The following ARHGEF18 variants were observed in gnomAD, a reference collection of about 807,000 sequenced individuals.
ARHGEF18 encodes rho guanine nucleotide exchange factor 18.
In ARHGEF18, 93 loss-of-function variants were observed where a neutral mutation model predicts 155.7. The ratio of observed to expected loss-of-function variants is 0.60; its 90% CI spans 0.50 to 0.71. ARHGEF18 has a LOEUF of 0.71. Among genes scored for constraint, ARHGEF18 ranks in the 30% least tolerant of loss-of-function variants. The pLI is 0.00. For synonymous variants in ARHGEF18, 742 were observed against 753.1 expected (o/e 0.99, Z 0.24); for missense variants, 1,593 against 1,816.1 (o/e 0.88, Z 2.23).
intron 10 of ARHGEF18, among the ~76,000 whole-genome samples, chr19:7,413,654 T>A (rs193216044): frequency 9.9e-5 from 15 of 152,236 alleles, no homozygotes; most frequent in East Asian, 9.7e-4. Context: ...TCCAGCTACT[T>A]GGGAGATAGG....
chr19:7,397,530 G>GA (rs1273484111), intron 10 of ARHGEF18, among the ~76,000 whole-genome samples: 1 of 151,746 alleles, frequency 6.6e-6, no homozygotes, highest in Non-Finnish European at 1.5e-5. Flanking sequence ...TCAGGAGATT[G>GA]AGACCATCCT....
intron 15 of ARHGEF18, among the ~76,000 whole-genome samples, chr19:7,450,349 A>G: frequency 6.6e-6 from 1 of 151,808 alleles, no homozygotes; most frequent in Non-Finnish European, 1.5e-5. Flanking sequence ...CCAAGATGTT[A>G]ATGCGGGATC....
At position 7,361,207 on chromosome 19, in the gene ARHGEF18, G is replaced by A. The variant is rs560643250; in HGVS notation, c.-110-1574G>A. Among the ~76,000 whole-genome samples the A allele has an allele frequency of 5.3e-5, 8 of 152,228 alleles. No individual in the cohort carries two copies. The South Asian group carries it at 6.2e-4, about 12-fold the overall frequency. ...TCCCAGCACTTTGGGAGGCCAAGGC[G>A]GGGGGATTGCCTGAGCTCAGGAGTT... is the stretch of plus-strand genomic sequence containing the variant. On this transcript the variant is annotated intron_variant, in intron 1 of 28. Coordinates refer to ENST00000668164, the MANE Select transcript of ARHGEF18 (RefSeq NM_001367823.1).
intron 10 of ARHGEF18, among the ~76,000 whole-genome samples, chr19:7,429,152 G>A (rs931194244): frequency 5.3e-5 from 7 of 131,704 alleles, no homozygotes; most frequent in Non-Finnish European, 1.2e-4. Context: ...GCATGTCAGC[G>A]TAGTTGGGGT....
chr19:7,353,941 A>G (rs1969218612), intron 1 of ARHGEF18, among the ~76,000 whole-genome samples: 1 of 144,382 alleles, frequency 6.9e-6, no homozygotes, highest in South Asian at 2.2e-4. Context: ...TCTGGGTGAC[A>G]GAGCAAGACT....
chr19:7,458,648 A>T lies in ARHGEF18; in HGVS notation c.2318A>T (p.Asp773Val), dbSNP rs779888066. The change falls in exon 19 of 29, where the codon GAC becomes GTC. Residue 773 changes from aspartate to valine, a missense_variant. Asp to Val is a radical substitution (Grantham distance 152). Transcript: ENST00000668164. ...MYEIYTSSKE[D>V]RNAWMAHIQR... ...GAAATCTACACGAGCTCCAAAGAGG[A>T]CAGGAACGCCTGGATGGCCCACATC... 1.2e-5 allele frequency: 20 copies of T among 1,613,994 alleles called. No homozygotes were observed. The highest frequency in any genetic ancestry group is 1.7e-5 in the Non-Finnish European group (20 of 1,179,990).
chr19:7,373,188 A>G, intron 3 of ARHGEF18, 117 bp downstream of exon 3: 1 of 1,191,352 alleles, frequency 8.4e-7, no homozygotes, highest in Non-Finnish European at 1.1e-6. Flanking sequence ...GTGGTCCCCA[A>G]CCTTTTTGGT....
rs749332193 is a variant in ARHGEF18, at chr19:7,469,138, C to T, written c.3787+7C>T. 6.8e-5 allele frequency: 107 copies of T among 1,581,902 alleles called. No homozygotes were observed. Among genetic ancestry groups the T allele is most frequent in the Non-Finnish European group, 8.5e-5 (99 of 1,164,008 alleles). On this transcript the variant is annotated splice_region_variant and intron_variant, in intron 27 of 28. Transcript: ENST00000668164. ...CAGCGCTGGGAGAGCTCAGGTGAGC[C>T]GGCCCCACCCCTTCGCCTGGGCCTG... is the stretch of plus-strand genomic sequence containing the variant.
chr19:7,454,116 T>C (rs1178413278), intron 17 of ARHGEF18, among the ~76,000 whole-genome samples: 2 of 150,430 alleles, frequency 1.3e-5, no homozygotes, highest in African/African-American at 2.5e-5. Flanking sequence ...CATCTTGGAG[T>C]GGTGGCACCA....
At chr19:7,405,432 C>T (rs1397211587) in intron 10 of ARHGEF18, among the ~76,000 whole-genome samples, 1 of 152,148 alleles carries the variant, frequency 6.6e-6, no homozygotes, top group East Asian at 1.9e-4. Flanking sequence ...GGCTCTAGGG[C>T]CCACCCTAAA....
chr19:7,415,578 C>T (rs1370286925), intron 10 of ARHGEF18, among the ~76,000 whole-genome samples: 2 of 152,080 alleles, frequency 1.3e-5, no homozygotes, highest in Non-Finnish European at 2.9e-5. Context: ...ATGGCAGAAC[C>T]TCCTGGAATA....
chr19:7,396,057 C>T (rs1380389367), intron 10 of ARHGEF18, among the ~76,000 whole-genome samples: 2 of 152,054 alleles, frequency 1.3e-5, no homozygotes, highest in Admixed American at 6.6e-5. Flanking sequence ...CATGAGTACC[C>T]AAGGTTTAGC....
chr19:7,371,248 G>A (rs566786620), intron 2 of ARHGEF18, among the ~76,000 whole-genome samples: 1 of 152,274 alleles, frequency 6.6e-6, no homozygotes, highest in East Asian at 1.9e-4. Flanking sequence ...GCCAGGGGCT[G>A]GGAGGGGAAT....
At chr19:7,443,089 G>A (rs897276063) in intron 13 of ARHGEF18, among the ~76,000 whole-genome samples, 2 of 125,748 alleles carry the variant, frequency 1.6e-5, no homozygotes, top group Admixed American at 9.4e-5. Flanking sequence ...TTGAGATGGA[G>A]TCTCGCTCTG....
intron 3 of ARHGEF18, among the ~76,000 whole-genome samples, chr19:7,375,432 G>GAAGAA (rs1312393947): frequency 6.6e-6 from 1 of 151,406 alleles, no homozygotes; most frequent in Non-Finnish European, 1.5e-5. Context: ...AGAAAGGAAG[G>GAAGAA]AAGAAAAGAA....
intron 1 of ARHGEF18, among the ~76,000 whole-genome samples, chr19:7,349,628 A>C (rs1460900413): frequency 1.3e-5 from 2 of 151,960 alleles, no homozygotes; most frequent in Non-Finnish European, 2.9e-5. Context: ...AAATACAAAA[A>C]TTAGCCAGGC....
chr19:7,358,551 C>CCCAT lies in ARHGEF18; in HGVS notation c.-110-4210_-110-4207dup, dbSNP rs201738875. Among the ~76,000 whole-genome samples the CCCAT allele has an allele frequency of 4.5e-3, 662 of 147,640 alleles. 25 individuals are homozygous for CCCAT. In the East Asian group the frequency reaches 0.11, roughly 25 times the overall value. ...ACCCATCCATTCAACCATCCACTCA[C>CCCAT]CCATCCATCCATCCATCCATCCAAC... On this transcript the variant is annotated intron_variant, in intron 1 of 28. Coordinates refer to ENST00000668164, the MANE Select transcript of ARHGEF18 (RefSeq NM_001367823.1).
chr19:7,474,673 T>C (rs1231156557), downstream of ARHGEF18, among the ~76,000 whole-genome samples: 3 of 151,780 alleles, frequency 2.0e-5, no homozygotes, highest in Non-Finnish European at 4.4e-5. Context: ...CCACCGCGCC[T>C]GGTCTATTTT....
Position 7,462,259 on chromosome 19 carries a change from C to G in ARHGEF18, c.2560C>G (p.Arg854Gly). 6.2e-7 allele frequency: 1 copy of G among 1,613,806 alleles called. No individual in the cohort carries two copies. The stretch of plus-strand genomic sequence containing the variant: ...CGGCCTCGAAGACCTGCCCCAGCCC[C>G]GAGGCCTATTCCGTGGAGGGGACCC... ...MGGLEDLPQP[R>G]GLFRGGDPSE... Residue 854 changes from arginine to glycine, a missense_variant, in exon 21 of 29, where the codon CGA becomes GGA. Physicochemically the swap from Arg to Gly is moderately radical, Grantham distance 125 (BLOSUM62 -2). Transcript: ENST00000668164. The surrounding 1 kb of genome is among the most constrained non-coding windows in gnomAD (Gnocchi z 4.4).
Sources: gnomAD v4.1 joint callset for allele counts (sites outside exome capture counted in the v4.1 genomes callset) on GRCh38, gnomAD v4.1.1 for gene constraint, Gnocchi (gnomAD v3.1) non-coding constraint, MANE v1.5 for transcripts, NCBI Gene and HGNC (gene_info 2026-07-23, HGNC 2026-07-21) for gene names.